The following TPRG1 variants were observed in gnomAD, a reference collection of about 807,000 sequenced individuals.
The protein encoded by TPRG1 is tumor protein p63 regulated 1, also known as tumor protein p63-regulated gene 1 protein.
In TPRG1, 29 loss-of-function variants were observed where a neutral mutation model predicts 29.3. The observed-to-expected ratio is 0.99, with a 90% confidence interval of 0.74 to 1.35. The LOEUF (loss-of-function observed/expected upper bound fraction) is 1.35, where lower values mean the gene tolerates loss of function less well. TPRG1 is among the 40% of genes most tolerant of loss of function. TPRG1 has a pLI of 0.00. For synonymous variants in TPRG1, 130 were observed against 116.8 expected, an observed-to-expected ratio of 1.11 and a Z score of -0.73; for missense variants, 327 against 335.0, an observed-to-expected ratio of 0.98 and a Z score of 0.19.
At chr3:189,122,019 T>C (rs1721876497) in intron 1 of TPRG1, among the ~76,000 whole-genome samples, 1 of 152,086 alleles carries the variant, frequency 6.6e-6, no homozygotes, top group Admixed American at 6.6e-5. Context: ...GATGGGTTGG[T>C]TCCCTTAGCT....
chr3:189,322,179 A>G lies in TPRG1; in HGVS notation c.*1359A>G, dbSNP rs948318880. 12 of 152,000 alleles carry G rather than the reference A, an allele frequency of 7.9e-5. No individual in the cohort carries two copies. Among genetic ancestry groups the G allele is most frequent in the African/African-American group, 2.9e-4 (12 of 41,398 alleles). 9.4% of individuals were successfully genotyped at this position (152,000 alleles called of 1,614,324 possible). A position where few individuals can be genotyped will look rare whatever the true frequency, so the allele number is the denominator to read the frequency against. On this transcript the variant is annotated 3_prime_UTR_variant, in exon 6 of 6. Transcript: ENST00000345063. ...ACTCAAAATTGACACATCTTTGTTG[A>G]TGTTTAAGTTGAAATTCCAGCCAAC... is the stretch of plus-strand genomic sequence containing the variant.
At chr3:189,260,060 C>T (rs1335842645) in intron 4 of TPRG1, among the ~76,000 whole-genome samples, 2 of 152,108 alleles carry the variant, frequency 1.3e-5, no homozygotes, top group Non-Finnish European at 2.9e-5. Context: ...GTTCTGAAGT[C>T]GGGCTGACAG....
At chr3:189,274,152 AGGCT>A (rs1715701708) in intron 4 of TPRG1, among the ~76,000 whole-genome samples, 1 of 151,942 alleles carries the variant, frequency 6.6e-6, no homozygotes, top group Non-Finnish European at 1.5e-5. Context: ...TTTTAGAAAA[AGGCT>A]AATGACCCTG....
intron 4 of TPRG1, among the ~76,000 whole-genome samples, chr3:189,282,300 C>T (rs1717293749): frequency 6.7e-6 from 1 of 150,034 alleles, no homozygotes; most frequent in Non-Finnish European, 1.5e-5. Context: ...GGCAGTGGGT[C>T]AGCCAGGTGC....
chr3:189,041,391 C>T lies in TPRG1; in HGVS notation c.-463+17445C>T, dbSNP rs528106923. ...TCTGAACTTTGAAATCAGAGAGTCT[C>T]GGATTCAAATCCTGGCTCTTCCCTT... is the stretch of plus-strand genomic sequence containing the variant. On this transcript the variant is annotated intron_variant, in intron 4 of 10. Transcript: ENST00000433971. 2.3e-3 allele frequency among the ~76,000 whole-genome samples: 357 copies of T among 152,322 alleles called. 3 individuals carry two copies. Among genetic ancestry groups the T allele is most frequent in the African/African-American group, 8.4e-3 (348 of 41,568 alleles).
chr3:189,218,034 G>C (rs2108850257), intron 3 of TPRG1: 1 of 985,300 alleles, frequency 1.0e-6, no homozygotes, highest in East Asian at 1.1e-4. Flanking sequence ...CTGGCTTCTT[G>C]CTTCCCATTT....
At chr3:189,296,600 C>T (rs1005161801) in intron 4 of TPRG1, among the ~76,000 whole-genome samples, 1 of 152,036 alleles carries the variant, frequency 6.6e-6, no homozygotes, top group Non-Finnish European at 1.5e-5. Context: ...TGGCCACATA[C>T]TTTAATAAGG....
intron 4 of TPRG1, among the ~76,000 whole-genome samples, chr3:189,053,477 G>A (rs1441324221): frequency 1.3e-5 from 2 of 152,146 alleles, no homozygotes; most frequent in African/African-American, 4.8e-5. Context: ...AAACTTACCA[G>A]ATCACTGCAT....
chr3:189,293,432 AAAAGGGATTG>A (rs2109217321), intron 4 of TPRG1, among the ~76,000 whole-genome samples: 1 of 152,250 alleles, frequency 6.6e-6, no homozygotes, highest in South Asian at 2.1e-4. Context: ...CTCACCCCTG[AAAAGGGATTG>A]CCAGAGGGAA....
rs1475087908 is a variant in TPRG1 at position 189,323,321 on chromosome 3, A to G, written c.*2501A>G. The stretch of plus-strand genomic sequence containing the variant: ...TTTTTTCTTAGGAAAGAGTTGGATC[A>G]ATCATGGGAGACCCTGAAAAATTTC... On this transcript the variant is annotated 3_prime_UTR_variant, in exon 6 of 6. Transcript: ENST00000345063. The G allele has an allele frequency of 6.6e-6, 1 of 152,146 alleles. No individual in the cohort carries two copies. Among genetic ancestry groups the G allele is most frequent in the Non-Finnish European group, 1.5e-5 (1 of 68,016 alleles). The allele number at this position is 152,146 out of a possible 1,614,324, so 9.4% of individuals were successfully genotyped here. A position where few individuals can be genotyped will look rare whatever the true frequency, so the allele number is the denominator to read the frequency against.
intron 3 of TPRG1, chr3:189,218,065 A>G: frequency 2.0e-6 from 2 of 983,142 alleles, no homozygotes; most frequent in Non-Finnish European, 2.4e-6. Context: ...TATGAATTAT[A>G]GGAGCTGTAA....
At chr3:189,258,151 G>A (rs557662517) in intron 4 of TPRG1, among the ~76,000 whole-genome samples, 5 of 151,346 alleles carry the variant, frequency 3.3e-5, no homozygotes, top group Non-Finnish European at 7.4e-5. Context: ...TTTACCTTTG[G>A]TCTTTGCTGT....
chr3:189,311,735 G>T (rs1156856612), intron 5 of TPRG1, among the ~76,000 whole-genome samples: 1 of 152,028 alleles, frequency 6.6e-6, no homozygotes, highest in Non-Finnish European at 1.5e-5. Flanking sequence ...CTTGGTATAT[G>T]GATCATGTTG....
chr3:189,309,539 T>C lies in TPRG1; in HGVS notation c.480-847T>C, dbSNP rs73058118. 8.7e-3 allele frequency among the ~76,000 whole-genome samples: 1,325 copies of C among 152,300 alleles called. 34 individuals carry two copies. The highest frequency in any genetic ancestry group is 0.031 in the African/African-American group (1,272 of 41,566). ...TTGGCTTAACCTCCGGGCATCTCTT[T>C]GCATTCAGAGATACCTGAAACCACA... On this transcript the variant is annotated intron_variant, in intron 4 of 5. Transcript: ENST00000345063.
intron 1 of TPRG1, among the ~76,000 whole-genome samples, chr3:189,110,362 A>G (rs1325186943): frequency 6.6e-6 from 1 of 152,160 alleles, no homozygotes; most frequent in Non-Finnish European, 1.5e-5. Context: ...ATGATACATT[A>G]TCTGTTCAAA....
At chr3:189,290,657 G>T (rs116773793) in intron 4 of TPRG1, among the ~76,000 whole-genome samples, 2,814 of 152,310 alleles carry the variant, frequency 0.018, 91 homozygotes, top group African/African-American at 0.063. Context: ...GGGCAGAGAA[G>T]TTTGGCCAGG....
At chr3:189,035,519 A>G (rs1441338988) in intron 4 of TPRG1, among the ~76,000 whole-genome samples, 1 of 152,136 alleles carries the variant, frequency 6.6e-6, no homozygotes, top group Non-Finnish European at 1.5e-5. Context: ...GGGAGAAAAT[A>G]TTGGCAAACT....
At chr3:189,189,591 C>A (rs561054096) in intron 1 of TPRG1, among the ~76,000 whole-genome samples, 39 of 152,214 alleles carry the variant, frequency 2.6e-4, no homozygotes, top group African/African-American at 8.9e-4. Context: ...TACAAGTACA[C>A]CAGAATAGCT....
At chr3:189,228,145 G>A (rs1395929106) in intron 3 of TPRG1, among the ~76,000 whole-genome samples, 1 of 152,158 alleles carries the variant, frequency 6.6e-6, no homozygotes, top group East Asian at 1.9e-4. Flanking sequence ...TAGCAACAAC[G>A]ACGACAACAA....
Sources: allele counts gnomAD v4.1 joint callset (sites outside exome capture counted in the v4.1 genomes callset), GRCh38; gene constraint gnomAD v4.1.1; transcripts MANE v1.5; gene names NCBI Gene and HGNC (gene_info 2026-07-23, HGNC 2026-07-21).